The following NKAIN2 variants were observed in gnomAD, a reference collection of about 807,000 sequenced individuals.
NKAIN2 encodes sodium/potassium transporting ATPase interacting 2.
Under a neutral mutation model 32.6 loss-of-function variants are expected in NKAIN2, and 14 were observed. That is an observed-to-expected ratio of 0.43 (90% confidence interval 0.28 to 0.67). The LOEUF is 0.67. Ranked by LOEUF, NKAIN2 falls within the 30% of genes least tolerant of loss-of-function variation. NKAIN2 has a pLI of 0.17. For missense variants in NKAIN2, 198 were observed against 258.3 expected (o/e 0.77, Z 1.60); for synonymous variants, 80 against 87.2 (o/e 0.92, Z 0.46).
At chr6:123,885,045 G>C (rs544071587) in intron 1 of NKAIN2, among the ~76,000 whole-genome samples, 1 of 152,120 alleles carries the variant, frequency 6.6e-6, no homozygotes, top group Non-Finnish European at 1.5e-5. Flanking sequence ...AGTTTTAAGA[G>C]ACAGAAAGAA....
intron 6 of NKAIN2, among the ~76,000 whole-genome samples, chr6:124,820,173 A>T (rs1234184721): frequency 6.6e-6 from 1 of 152,142 alleles, no homozygotes; most frequent in Non-Finnish European, 1.5e-5. Flanking sequence ...ACAAAACATG[A>T]TCAATCCTTC....
At chr6:124,614,836 C>T (rs1001439175) in intron 3 of NKAIN2, among the ~76,000 whole-genome samples, 5 of 152,342 alleles carry the variant, frequency 3.3e-5, no homozygotes, top group African/African-American at 1.2e-4. Context: ...CTTTCAAAAA[C>T]TGCTCTTCGT....
chr6:124,057,705 T>C (rs929598345), intron 1 of NKAIN2, among the ~76,000 whole-genome samples: 1 of 151,824 alleles, frequency 6.6e-6, no homozygotes, highest in African/African-American at 2.4e-5. Context: ...ACTTGTCAAA[T>C]GCTTTAAAAC....
chr6:124,185,055 T>G (rs1789645003), intron 1 of NKAIN2, among the ~76,000 whole-genome samples: 1 of 152,190 alleles, frequency 6.6e-6, no homozygotes, highest in Non-Finnish European at 1.5e-5. Context: ...ATTTTTATGT[T>G]CATTAGCTTC....
chr6:124,250,366 A>G (rs1793639504), intron 1 of NKAIN2, among the ~76,000 whole-genome samples: 1 of 152,134 alleles, frequency 6.6e-6, no homozygotes, highest in Admixed American at 6.6e-5. Flanking sequence ...AATTCAAAGG[A>G]GAATAAATTA....
intron 3 of NKAIN2, among the ~76,000 whole-genome samples, chr6:124,372,499 A>G (rs1364613843): frequency 6.6e-6 from 1 of 152,238 alleles, no homozygotes; most frequent in East Asian, 1.9e-4. Context: ...CAGGATTTTT[A>G]TGTTTGTCTT....
chr6:124,738,107 A>T (rs1777037391), intron 4 of NKAIN2, among the ~76,000 whole-genome samples: 1 of 151,942 alleles, frequency 6.6e-6, no homozygotes. Context: ...ATTTGTCTCC[A>T]TCCATATTCT....
chr6:124,333,931 G>A (rs1797765967), intron 2 of NKAIN2, among the ~76,000 whole-genome samples: 1 of 152,058 alleles, frequency 6.6e-6, no homozygotes, highest in African/African-American at 2.4e-5. Flanking sequence ...ACTTAAAACT[G>A]AATTATGCTT....
In NKAIN2 at chr6:124,219,522, G is replaced by A. The variant is rs552180212; in HGVS notation, c.55-63483G>A. Reference sequence around the variant, plus strand: ...CAAACTCCTGACATCAAATGATGCCGCTGCCTAAGCCTCCCAAAGTGCTGG... The same window carrying A: ...CAAACTCCTGACATCAAATGATGCCACTGCCTAAGCCTCCCAAAGTGCTGG... On this transcript the variant is annotated intron_variant, in intron 1 of 6. Transcript: ENST00000368417. 4.0e-5 allele frequency among the ~76,000 whole-genome samples: 6 copies of A among 151,884 alleles called. No individual in the cohort carries two copies. The South Asian group carries it at 6.2e-4, about 16-fold the overall frequency.
chr6:124,073,157 C>A (rs895305444), intron 1 of NKAIN2, among the ~76,000 whole-genome samples: 5 of 152,198 alleles, frequency 3.3e-5, no homozygotes, highest in Admixed American at 1.3e-4. Flanking sequence ...AACTCTGAAG[C>A]TTGGATGGGC....
chr6:123,858,002 T>A (rs1775624192), intron 1 of NKAIN2, among the ~76,000 whole-genome samples: 1 of 152,202 alleles, frequency 6.6e-6, no homozygotes, highest in Non-Finnish European at 1.5e-5. Context: ...CTTCTGCAGT[T>A]TAGAGAGTAT....
chr6:123,839,685 T>G (rs1343052228), intron 1 of NKAIN2, among the ~76,000 whole-genome samples: 3 of 152,198 alleles, frequency 2.0e-5, no homozygotes, highest in Non-Finnish European at 2.9e-5. Context: ...TAGCATACTG[T>G]TAGTCATTAA....
chr6:124,145,059 A>T (rs1482373238), intron 1 of NKAIN2, among the ~76,000 whole-genome samples: 2 of 152,228 alleles, frequency 1.3e-5, no homozygotes, highest in African/African-American at 4.8e-5. Context: ...AGGAAATACA[A>T]ATTAATACTA....
chr6:124,687,743 TACACACACACACACACAC>T (rs373594549), intron 4 of NKAIN2, among the ~76,000 whole-genome samples: 1 of 104,372 alleles, frequency 9.6e-6, no homozygotes, highest in Non-Finnish European at 1.8e-5. Flanking sequence ...ATATGATATA[TACACACACACACACACAC>T]ACACACACAC....
intron 1 of NKAIN2, among the ~76,000 whole-genome samples, chr6:124,166,459 T>G (rs9385318): frequency 0.77 from 114,009 of 148,902 alleles, 45,616 homozygotes; most frequent in Non-Finnish European, 0.88. Context: ...TTCTCCAATT[T>G]TGTAGGTTGC....
At chr6:124,785,665 G>A (rs1480324417) in intron 4 of NKAIN2, among the ~76,000 whole-genome samples, 1 of 152,120 alleles carries the variant, frequency 6.6e-6, no homozygotes, top group Non-Finnish European at 1.5e-5. Context: ...CATTAAGTTT[G>A]GGAGGCTGTG....
intron 1 of NKAIN2, among the ~76,000 whole-genome samples, chr6:124,218,553 A>G (rs1791609184): frequency 6.6e-6 from 1 of 152,204 alleles, no homozygotes; most frequent in Non-Finnish European, 1.5e-5. Flanking sequence ...ACAACAAAAT[A>G]ATTTATTAAA....
intron 1 of NKAIN2, among the ~76,000 whole-genome samples, chr6:123,957,158 T>C (rs1777631693): frequency 1.3e-5 from 2 of 152,202 alleles, no homozygotes; most frequent in Admixed American, 1.3e-4. Context: ...TCATTTTTTA[T>C]GCGTATAAAT....
chr6:124,221,959 T>G (rs1357797427), intron 1 of NKAIN2, among the ~76,000 whole-genome samples: 1 of 152,192 alleles, frequency 6.6e-6, no homozygotes, highest in African/African-American at 2.4e-5. Context: ...CATTGAGAAA[T>G]TAATATCTTC....
Sources: gnomAD v4.1 joint callset for allele counts (sites outside exome capture counted in the v4.1 genomes callset) on GRCh38, gnomAD v4.1.1 for gene constraint, MANE v1.5 for transcripts, NCBI Gene and HGNC (gene_info 2026-07-23, HGNC 2026-07-21) for gene names.